The following KDM4B variants were observed in gnomAD, a reference collection of about 807,000 sequenced individuals.
KDM4B encodes lysine demethylase 4B.
Under a neutral mutation model 125.2 loss-of-function variants are expected in KDM4B, and 32 were observed. The ratio of observed to expected loss-of-function variants is 0.26; its 90% CI spans 0.19 to 0.34. The LOEUF is 0.34. Ranked by LOEUF, KDM4B falls within the 10% of genes least tolerant of loss-of-function variation. The pLI is 1.00. For synonymous variants in KDM4B, 721 were observed against 677.9 expected, an observed-to-expected ratio of 1.06 and a Z score of -0.99; for missense variants, 1,190 against 1,577.7, an observed-to-expected ratio of 0.75 and a Z score of 4.16.
At chr19:5,111,376 A>G (rs1427678747) in intron 10 of KDM4B, 1 of 762,810 alleles carries the variant, frequency 1.3e-6, no homozygotes, top group Non-Finnish European at 2.4e-6. Context: ...CCCACTCAGA[A>G]CCCCTCCCTG....
chr19:5,095,104 T>TG lies in KDM4B; in HGVS notation c.918+12601dup, dbSNP rs913621590. On this transcript the variant is annotated intron_variant, in intron 9 of 22. Transcript: ENST00000159111. ...CCAGGATCGCTGTTTCTAAGGCCCCTGCCCGTCCCCATCCCTGTCCACAGC... is the reference window on the plus strand; with the variant it reads ...CCAGGATCGCTGTTTCTAAGGCCCCTGGCCCGTCCCCATCCCTGTCCACAGC... Among the ~76,000 whole-genome samples, 3 of 152,268 alleles carry TG rather than the reference T, an allele frequency of 2.0e-5. No homozygotes were observed. The East Asian group carries it at 5.8e-4, about 29-fold the overall frequency.
chr19:5,131,596 AG>A (rs1395308856), intron 12 of KDM4B, 51 bp downstream of exon 12: 12 of 114,770 alleles, frequency 1.0e-4, no homozygotes, highest in East Asian at 4.0e-4. Context: ...GGGGTGGGGC[AG>A]GGGAGGAGGG....
At chr19:5,000,950 C>T (rs145438047) in intron 1 of KDM4B, among the ~76,000 whole-genome samples, 2 of 152,256 alleles carry the variant, frequency 1.3e-5, no homozygotes, top group East Asian at 1.9e-4. Context: ...CTGCCCACCC[C>T]CTGCAGGAAA....
intron 1 of KDM4B, among the ~76,000 whole-genome samples, chr19:4,982,827 G>A (rs2034692404): frequency 6.6e-6 from 1 of 152,122 alleles, no homozygotes; most frequent in South Asian, 2.1e-4. Context: ...TGGCCAGGCT[G>A]GTCTCAAACT....
At chr19:4,985,742 C>T (rs1568207281) in intron 1 of KDM4B, among the ~76,000 whole-genome samples, 1 of 152,228 alleles carries the variant, frequency 6.6e-6, no homozygotes, top group Non-Finnish European at 1.5e-5. Flanking sequence ...CCAGACCCGC[C>T]TTCACTGCCC....
At chr19:5,066,490 G>A (rs1000267207) in intron 6 of KDM4B, among the ~76,000 whole-genome samples, 15 of 152,238 alleles carry the variant, frequency 9.9e-5, no homozygotes, top group African/African-American at 3.6e-4. Context: ...CATTTTGTTT[G>A]TTAACCATCA....
At chr19:5,125,271 C>T (rs1003568565) in intron 11 of KDM4B, among the ~76,000 whole-genome samples, 12 of 152,188 alleles carry the variant, frequency 7.9e-5, no homozygotes, top group Admixed American at 5.2e-4. Context: ...CCAGCCCCGG[C>T]GTTACCTGCT....
chr19:5,022,192 G>C (rs540564021), intron 2 of KDM4B, among the ~76,000 whole-genome samples: 1 of 152,260 alleles, frequency 6.6e-6, no homozygotes, highest in East Asian at 1.9e-4. Context: ...CAGCACAGGC[G>C]GGCCCTGTGG....
Position 5,142,324 on chromosome 19 carries a change from G to A in KDM4B, c.2551-1643G>A, listed in dbSNP as rs576605352. Among the ~76,000 whole-genome samples, 125 of 152,272 alleles carry A rather than the reference G, an allele frequency of 8.2e-4. 1 individual carries two copies. The highest frequency in any genetic ancestry group is 2.8e-3 in the African/African-American group (115 of 41,566). ...TGCGGCTCCCAGGAAGGGAGGTGAC[G>A]GCCAAGAACGCCTGCCCGACCTCCT... On this transcript the variant is annotated intron_variant, in intron 18 of 22. Coordinates refer to ENST00000159111, the MANE Select transcript of KDM4B (RefSeq NM_015015.3). The surrounding 1 kb of genome is among the most constrained non-coding windows in gnomAD (Gnocchi z 5.4).
At chr19:5,108,497 C>T (rs1281787035) in intron 9 of KDM4B, among the ~76,000 whole-genome samples, 3 of 152,100 alleles carry the variant, frequency 2.0e-5, no homozygotes, top group South Asian at 2.1e-4. Flanking sequence ...GGGGGAGGCA[C>T]GAGCTGCAGG....
Position 5,067,911 on chromosome 19 carries a change from TGACCTTGTGATG to T in KDM4B, c.627-3096_627-3085del, listed in dbSNP as rs549638001. Among the ~76,000 whole-genome samples, 639 of 152,274 alleles carry T rather than the reference TGACCTTGTGATG, an allele frequency of 4.2e-3. 1 individual carries two copies. The highest frequency in any genetic ancestry group is 6.4e-3 in the Non-Finnish European group (433 of 68,016). ...GCTGATTGATTTTGGCCGTGAAGTTTGACCTTGTGATGGAAACCGAGCTCCCAGGGAGTGAGA... is the reference window on the plus strand; with the variant it reads ...GCTGATTGATTTTGGCCGTGAAGTTTGAAACCGAGCTCCCAGGGAGTGAGA... On this transcript the variant is annotated intron_variant, in intron 6 of 22. Transcript: ENST00000159111.
intron 9 of KDM4B, among the ~76,000 whole-genome samples, chr19:5,089,627 T>G (rs577160779): frequency 6.6e-6 from 1 of 152,152 alleles, no homozygotes; most frequent in African/African-American, 2.4e-5. Flanking sequence ...TGATATTAGT[T>G]TGATGTCATG....
At chr19:5,143,157 C>T (rs1046050570) in intron 18 of KDM4B, among the ~76,000 whole-genome samples, 2 of 152,008 alleles carry the variant, frequency 1.3e-5, no homozygotes, top group Non-Finnish European at 2.9e-5. Flanking sequence ...AAGACTCCAC[C>T]TCTACAAAAG....
intron 6 of KDM4B, among the ~76,000 whole-genome samples, chr19:5,069,124 C>A (rs943932927): frequency 6.6e-6 from 1 of 152,068 alleles, no homozygotes; most frequent in African/African-American, 2.4e-5. Flanking sequence ...GAGGAATGCA[C>A]CCCTGTCTAG....
At chr19:5,133,690 C>T (rs2039598155) in intron 13 of KDM4B, among the ~76,000 whole-genome samples, 193 bp from the exon 14 acceptor site, 1 of 152,178 alleles carries the variant, frequency 6.6e-6, no homozygotes, top group Non-Finnish European at 1.5e-5. Context: ...TGGGACGCTG[C>T]AGTGTCAGCT....
At chr19:5,038,644 A>G (rs1351158037) in intron 3 of KDM4B, among the ~76,000 whole-genome samples, 1 of 152,188 alleles carries the variant, frequency 6.6e-6, no homozygotes, top group Non-Finnish European at 1.5e-5. Context: ...CCGCCAGGCT[A>G]GAGGTCCTGG....
rs1555724175 is a variant in KDM4B at position 5,152,115 on chromosome 19, G to GAA, written c.*604_*605insAA. ...GTAATTGGAGGGTGAGCCTCGGGGG[G>GAA]GGGGCAGGACGCCCCGGTTTCGGCA... On this transcript the variant is annotated 3_prime_UTR_variant, in exon 23 of 23. Transcript: ENST00000159111. The GAA allele has an allele frequency of 6.7e-6, 1 of 149,442 alleles. No homozygotes were observed. The highest frequency in any genetic ancestry group is 1.5e-5 in the Non-Finnish European group (1 of 67,900). The allele number at this position is 149,442 out of a possible 1,614,324, so 9.3% of individuals were successfully genotyped here.
At position 5,057,026 on chromosome 19, in the gene KDM4B, A is replaced by ATGTGTGTGTG. The variant is rs1404957430; in HGVS notation, c.626+9359_626+9360insTGTGTGTGTG. 1.4e-4 allele frequency among the ~76,000 whole-genome samples: 18 copies of ATGTGTGTGTG among 124,974 alleles called. 1 individual carries two copies. Among genetic ancestry groups the ATGTGTGTGTG allele is most frequent in the African/African-American group, 6.5e-4 (18 of 27,882 alleles). 82.0% of individuals were successfully genotyped at this position (124,974 alleles called of 152,430 possible). ...TAAAGCATGTAAGTACCAGATATAT[A>ATGTGTGTGTG]TGCGTGTGTGTGTGTGTGTGTGTGT... On this transcript the variant is annotated intron_variant, in intron 6 of 22. Coordinates refer to ENST00000159111, the MANE Select transcript of KDM4B (RefSeq NM_015015.3).
At chr19:4,972,906 G>C (rs2034310483) in intron 1 of KDM4B, among the ~76,000 whole-genome samples, 1 of 152,176 alleles carries the variant, frequency 6.6e-6, no homozygotes, top group Admixed American at 6.5e-5. Context: ...GGGGCAGCCC[G>C]GCATCTGTGG....
Sources: allele counts gnomAD v4.1 joint callset (sites outside exome capture counted in the v4.1 genomes callset), GRCh38; gene constraint gnomAD v4.1.1; non-coding constraint Gnocchi (gnomAD v3.1); transcripts MANE v1.5; gene names NCBI Gene and HGNC (gene_info 2026-07-23, HGNC 2026-07-21).